Variants in FLOT1 observed in about 807,000 individuals in gnomAD.
FLOT1 encodes flotillin-1.
Under a neutral mutation model 58.4 loss-of-function variants are expected in FLOT1, and 40 were observed. That is an observed-to-expected ratio of 0.69 (90% CI 0.53 to 0.89). FLOT1 has a LOEUF of 0.89. Ranked by LOEUF, FLOT1 falls within the 40% of genes least tolerant of loss-of-function variation. The probability of loss-of-function intolerance (pLI) is 0.00; values close to 1 mark genes in which losing one functional copy is unlikely to be tolerated. For synonymous variants in FLOT1, 178 were observed against 204.2 expected (o/e 0.87, Z 1.09); for missense variants, 423 against 540.8 (o/e 0.78, Z 2.16).
intron 8 of FLOT1, among the ~76,000 whole-genome samples, chr6:30,733,740 CAA>C (rs35048121): frequency 6.3e-5 from 4 of 63,074 alleles, no homozygotes; most frequent in Non-Finnish European, 8.7e-5. Flanking sequence ...AAATCCATCT[CAA>C]AAAAAAAAAA....
chr6:30,727,769 A>C lies in FLOT1; in HGVS notation c.*347T>G. ...CTTACAGCAATTTATTTGGGTAGCA[A>C]AGTTGAAAACCTCCAGCCCATCCCT... On this transcript the variant is annotated 3_prime_UTR_variant, in exon 13 of 13. Transcript: ENST00000376389. 2.4e-6 allele frequency: 1 copy of C among 425,138 alleles called. No homozygotes were observed. The highest frequency in any genetic ancestry group is 4.3e-6 in the Non-Finnish European group (1 of 233,084). The allele number at this position is 425,138 out of a possible 1,614,324, so 26.3% of individuals were successfully genotyped here.
rs140411480 is a variant in FLOT1, at chr6:30,740,259, C to G, written c.622G>C (p.Glu208Gln). ...KVSAQYLSEI[E>Q]MAKAQRDYEL... ...TAATCTCTCTGTGCCTTGGCCATCT[C>G]GATCTCACTCAGGTACTGAGCAGAC... Residue 208 changes from glutamate to glutamine, a missense_variant, in exon 8 of 13, where the codon GAG becomes CAG. This residue lies in a region of FLOT1 where 137 missense variants were observed against 194.6 expected (regional missense o/e 0.70). Coordinates refer to ENST00000376389, the MANE Select transcript of FLOT1 (RefSeq NM_005803.4). 4 of 1,612,956 alleles carry G rather than the reference C, an allele frequency of 2.5e-6. No homozygotes were observed. Among genetic ancestry groups the G allele is most frequent in the African/African-American group, 2.7e-5 (2 of 75,012 alleles).
In FLOT1 at chr6:30,742,250, G is replaced by A. The variant is rs772301932; in HGVS notation, c.-14-47C>T. ...CCTTTGCGGATGGGGAAGGCGCGCT[G>A]TGGCGTCCACAGGGGCCCATCCTTT... On this transcript the variant is annotated intron_variant, in intron 1 of 12. Coordinates refer to ENST00000376389, the MANE Select transcript of FLOT1 (RefSeq NM_005803.4). This position sits in a 1 kb window ranked among gnomAD's most constrained non-coding sequence, Gnocchi z 5.2. 27 of 1,545,318 alleles carry A rather than the reference G, an allele frequency of 1.7e-5. No homozygotes were observed. Among genetic ancestry groups the A allele is most frequent in the Non-Finnish European group, 2.3e-5 (26 of 1,118,534 alleles).
intron 7 of FLOT1, 42 bp from the exon 8 acceptor site, chr6:30,740,352 G>A (rs1294409777): frequency 2.5e-6 from 4 of 1,610,686 alleles, no homozygotes; most frequent in Middle Eastern, 1.7e-4. Context: ...AGGGCAGGGG[G>A]AGAAAGGCCA....
At position 30,740,677 on chromosome 6, in the gene FLOT1, A is replaced by C; in HGVS notation, c.474+2T>G. On this transcript the variant is annotated splice_donor_variant, in intron 6 of 12. Transcript: ENST00000376389. LOFTEE classifies it high-confidence loss of function. The stretch of plus-strand genomic sequence containing the variant: ...GGGGAAGGATCAATTGCCTAGTTTT[A>C]CCTGGTCATCGTGAATGTCCTTCAG... 6.2e-7 allele frequency: 1 copy of C among 1,612,936 alleles called. No homozygotes were observed. Among genetic ancestry groups the C allele is most frequent in the Non-Finnish European group, 8.5e-7 (1 of 1,180,002 alleles).
Position 30,741,968 on chromosome 6 carries a change from G to A in FLOT1, c.44-101C>T. On this transcript the variant is annotated intron_variant, in intron 2 of 12. Transcript: ENST00000376389. The surrounding 1 kb of genome is among the most constrained non-coding windows in gnomAD (Gnocchi z 5.9). ...GACAGCAACCCACAGGAGAGAATCT[G>A]GGAGCTGGAGGGGAAGCAGTCTGGG... 8.1e-7 allele frequency: 1 copy of A among 1,228,578 alleles called. No homozygotes were observed. Among genetic ancestry groups the A allele is most frequent in the African/African-American group, 1.5e-5 (1 of 67,366 alleles). The allele number at this position is 1,228,578 out of a possible 1,614,324, so 76.1% of individuals were successfully genotyped here. A position where few individuals can be genotyped will look rare whatever the true frequency, so the allele number is the denominator to read the frequency against.
Position 30,741,251 on chromosome 6 carries a change from TG to T in FLOT1, c.292del (p.His98ThrfsTer7). On this transcript the variant is annotated frameshift_variant, in exon 5 of 13. Transcript: ENST00000376389. LOFTEE classifies it high-confidence loss of function. The surrounding 1 kb of genome is among the most constrained non-coding windows in gnomAD (Gnocchi z 5.9). ...FLGKTEAEIAHIALETLEGHQ... is the reference protein window; with the variant it reads ...FLGKTEAEIAXIALETLEGHQ... ...GCCCTCTAACGTCTCCAGGGCAATGTGGGCAATCTCAGCCTCCGTCTTCCCC... is the reference window on the plus strand; with the variant it reads ...GCCCTCTAACGTCTCCAGGGCAATGTGGCAATCTCAGCCTCCGTCTTCCCC... 6.2e-7 allele frequency: 1 copy of T among 1,613,098 alleles called. No individual in the cohort carries two copies. The highest frequency in any genetic ancestry group is 8.5e-7 in the Non-Finnish European group (1 of 1,180,032).
chr6:30,730,182 G>A lies in FLOT1; in HGVS notation c.1094C>T (p.Ala365Val). ...DMLLEKLPQVAEEISGPLTSA... is the reference protein window; with the variant it reads ...DMLLEKLPQVVEEISGPLTSA... Reference sequence around the variant, plus strand: ...AGTCAAGGGACCACTGATCTCCTCTGCCACCTGGCAGGAGAGAGACACCCA... The same window carrying A: ...AGTCAAGGGACCACTGATCTCCTCTACCACCTGGCAGGAGAGAGACACCCA... The change falls in exon 12 of 13, where the codon GCA becomes GTA. Residue 365 changes from alanine (A) to valine (V), a missense_variant. Ala to Val is a moderately conservative substitution (Grantham distance 64). This residue lies in a region of FLOT1 where 42 missense variants were observed against 74.4 expected (regional missense o/e 0.56). Coordinates refer to ENST00000376389, the MANE Select transcript of FLOT1 (RefSeq NM_005803.4). The A allele has an allele frequency of 6.2e-7, 1 of 1,612,936 alleles. No individual in the cohort carries two copies. Among genetic ancestry groups the A allele is most frequent in the South Asian group, 1.1e-5 (1 of 91,078 alleles).
In FLOT1 at chr6:30,742,396, T is replaced by C. The variant is rs1276245784; in HGVS notation, c.-15+131A>G. 1.6e-6 allele frequency: 1 copy of C among 615,004 alleles called. No individual in the cohort carries two copies. The highest frequency in any genetic ancestry group is 1.9e-5 in the African/African-American group (1 of 53,762). 38.1% of individuals were successfully genotyped at this position (615,004 alleles called of 1,614,324 possible). A position where few individuals can be genotyped will look rare whatever the true frequency, so the allele number is the denominator to read the frequency against. On this transcript the variant is annotated intron_variant, in intron 1 of 12. Coordinates refer to ENST00000376389, the MANE Select transcript of FLOT1 (RefSeq NM_005803.4). This position sits in a 1 kb window ranked among gnomAD's most constrained non-coding sequence, Gnocchi z 5.2. ...GATCCCCAGCTACCTCTTCTCCGCC[T>C]GCGTATGGTCCCTCCCTTCCCCTCG...
At chr6:30,740,929 G>A (rs985882239) in intron 5 of FLOT1, 131 bp from the exon 6 acceptor site, 14 of 1,312,690 alleles carry the variant, frequency 1.1e-5, no homozygotes, top group Middle Eastern at 2.7e-4. Context: ...TGGGATTACC[G>A]ACACCCATCA....
At chr6:30,735,609 C>A (rs1010157626) in intron 8 of FLOT1, among the ~76,000 whole-genome samples, 1 of 151,844 alleles carries the variant, frequency 6.6e-6, no homozygotes. Flanking sequence ...GCACTCCAGC[C>A]TGGACAACAG....
At chr6:30,731,146 A>C in intron 8 of FLOT1, 46 bp from the exon 9 acceptor site, 1 of 1,533,456 alleles carries the variant, frequency 6.5e-7, no homozygotes, top group Non-Finnish European at 8.8e-7. Flanking sequence ...GTCAGAGGTG[A>C]AGAGCAAGTG....
chr6:30,731,935 T>C (rs575773691), intron 8 of FLOT1, among the ~76,000 whole-genome samples: 2 of 152,260 alleles, frequency 1.3e-5, no homozygotes, highest in African/African-American at 2.4e-5. Context: ...TCTACAAGAA[T>C]GTGTGTATTC....
At chr6:30,736,909 C>T (rs78076049) in intron 8 of FLOT1, among the ~76,000 whole-genome samples, 11,227 of 151,806 alleles carry the variant, frequency 0.074, 666 homozygotes, top group African/African-American at 0.16. Flanking sequence ...CCTCTCTTTG[C>T]CCGTTCTCCA....
chr6:30,739,992 C>T (rs927771840), intron 8 of FLOT1, among the ~76,000 whole-genome samples, 166 bp downstream of exon 8: 6 of 152,216 alleles, frequency 3.9e-5, no homozygotes, highest in African/African-American at 7.2e-5. Flanking sequence ...TCAGCTGTAA[C>T]GTCTGAGTCT....
intron 8 of FLOT1, 105 bp downstream of exon 8, chr6:30,740,053 A>G: frequency 8.7e-7 from 1 of 1,143,534 alleles, no homozygotes; most frequent in Middle Eastern, 2.7e-4. Context: ...GAGAGCCAGA[A>G]TAAGACCAAA....
rs867543492 is a variant in FLOT1, at chr6:30,737,250, A to G, written c.723+2908T>C. On this transcript the variant is annotated intron_variant, in intron 8 of 12. Transcript: ENST00000376389. The surrounding 1 kb of genome is among the most constrained non-coding windows in gnomAD (Gnocchi z 4.4). Reference sequence around the variant, plus strand: ...CGTCCGTCCGTCCGTCCGTCCGTCCATCCGTCCATCCATCCATCCATATAT... The same window carrying G: ...CGTCCGTCCGTCCGTCCGTCCGTCCGTCCGTCCATCCATCCATCCATATAT... Among the ~76,000 whole-genome samples the G allele has an allele frequency of 1.3e-3, 193 of 146,892 alleles. No individual in the cohort carries two copies. Among genetic ancestry groups the G allele is most frequent in the African/African-American group, 2.7e-3 (105 of 39,476 alleles).
At chr6:30,740,344 G>C in intron 7 of FLOT1, 34 bp from the exon 8 acceptor site, 1 of 1,611,734 alleles carries the variant, frequency 6.2e-7, no homozygotes, top group Non-Finnish European at 8.5e-7. Flanking sequence ...GAAATGTCAG[G>C]GCAGGGGGAG....
chr6:30,730,091 C>G lies in FLOT1; in HGVS notation c.1185G>C (p.Gly395=). ...SGTMGAAKVT[G]EVLDILTRLP... ...GGCGAGTTAGAATGTCCAGTACTTC[C>G]CCAGTCACTTTGGCTGCCCCCATGG... The change falls in exon 12 of 13, where the codon GGG becomes GGC. Residue 395 remains glycine, a synonymous_variant. Transcript: ENST00000376389. 2.5e-6 allele frequency: 4 copies of G among 1,613,004 alleles called. No individual in the cohort carries two copies. In the East Asian group the frequency reaches 8.9e-5, roughly 36 times the overall value.
Sources: gnomAD v4.1 joint callset for allele counts (sites outside exome capture counted in the v4.1 genomes callset) on GRCh38, gnomAD v4.1.1 for gene constraint, gnomAD v4.1.1 regional missense constraint, Gnocchi (gnomAD v3.1) non-coding constraint, MANE v1.5 for transcripts, NCBI Gene and HGNC (gene_info 2026-07-23, HGNC 2026-07-21) for gene names.